SDK1: variants seen among roughly 807,000 people sequenced by gnomAD.
SDK1 encodes sidekick cell adhesion molecule 1, also known as protein sidekick-1.
SDK1 carries 157 observed loss-of-function variants against 245.5 expected under a neutral mutation model. The ratio of observed to expected loss-of-function variants is 0.64; its 90% confidence interval spans 0.56 to 0.73. The LOEUF is 0.73. Ranked by LOEUF, SDK1 falls within the 30% of genes least tolerant of loss-of-function variation. SDK1 has a pLI of 0.00. For synonymous variants in SDK1, 1,647 were observed against 1,278.5 expected, an observed-to-expected ratio of 1.29 and a Z score of -6.15; for missense variants, 3,583 against 3,002.3, an observed-to-expected ratio of 1.19 and a Z score of -4.52.
At chr7:3,564,634 G>GA (rs1273814789) in intron 1 of SDK1, among the ~76,000 whole-genome samples, 3 of 151,870 alleles carry the variant, frequency 2.0e-5, no homozygotes, top group Non-Finnish European at 4.4e-5. Flanking sequence ...TAAATTCTCA[G>GA]AAAAAAATAT....
chr7:3,680,354 A>G (rs1026641470), intron 4 of SDK1, among the ~76,000 whole-genome samples: 1 of 152,186 alleles, frequency 6.6e-6, no homozygotes. Flanking sequence ...GGTGGACAGC[A>G]CAGGGGATCT....
At position 3,821,948 on chromosome 7, in the gene SDK1, A is replaced by G. The variant is rs576095791; in HGVS notation, c.847+365A>G. On this transcript the variant is annotated intron_variant, in intron 5 of 44. Coordinates refer to ENST00000404826, the MANE Select transcript of SDK1 (RefSeq NM_152744.4). ...CAGGACTAGATTAGATATACATTAT[A>G]TTCTTTTAATCTAACAGGAAAATCT... Among the ~76,000 whole-genome samples, 4 of 152,334 alleles carry G rather than the reference A, an allele frequency of 2.6e-5. No individual in the cohort carries two copies. In the South Asian group the frequency reaches 8.3e-4, roughly 32 times the overall value.
chr7:3,314,448 A>G (rs1436515689), intron 1 of SDK1, among the ~76,000 whole-genome samples: 1 of 152,208 alleles, frequency 6.6e-6, no homozygotes, highest in Admixed American at 6.5e-5. Flanking sequence ...TGCAGGGTGA[A>G]GCACTGTTCA....
intron 1 of SDK1, among the ~76,000 whole-genome samples, chr7:3,450,612 G>A (rs962429379): frequency 6.6e-6 from 1 of 152,186 alleles, no homozygotes; most frequent in East Asian, 1.9e-4. Flanking sequence ...GGAAGCTAGT[G>A]AGTTCTGTTT....
rs140140562 is a variant in SDK1 at position 4,252,520 on chromosome 7, G to A, written c.6381+6715G>A. On this transcript the variant is annotated intron_variant, in intron 44 of 44. Transcript: ENST00000404826. ...GTAAATAGTGCCGCAATAAACATAC[G>A]TGTGTATAATCCTTTCTATATGTTG... 4.4e-3 allele frequency among the ~76,000 whole-genome samples: 664 copies of A among 152,208 alleles called. 5 individuals are homozygous for A. Among genetic ancestry groups the A allele is most frequent in the Non-Finnish European group, 6.5e-3 (443 of 68,006 alleles).
chr7:3,571,082 T>G (rs1562570676), intron 1 of SDK1, among the ~76,000 whole-genome samples: 1 of 152,070 alleles, frequency 6.6e-6, no homozygotes, highest in African/African-American at 2.4e-5. Flanking sequence ...AGATGTTCAT[T>G]TTTAAAATTT....
At chr7:3,868,335 G>GT (rs1407878542) in intron 5 of SDK1, among the ~76,000 whole-genome samples, 1 of 152,168 alleles carries the variant, frequency 6.6e-6, no homozygotes, top group African/African-American at 2.4e-5. Context: ...AAGCACTGTA[G>GT]TTATTAAATA....
intron 38 of SDK1, among the ~76,000 whole-genome samples, chr7:4,213,798 T>A (rs909927906): frequency 6.6e-6 from 1 of 152,168 alleles, no homozygotes; most frequent in East Asian, 1.9e-4. Context: ...GTGTTTTCAG[T>A]GTTGCCGTTT....
intron 1 of SDK1, among the ~76,000 whole-genome samples, chr7:3,422,482 C>A (rs1779559342): frequency 1.3e-5 from 2 of 152,088 alleles, no homozygotes; most frequent in South Asian, 4.2e-4. Context: ...TTTCTTAATA[C>A]TGGAAGTCCT....
intron 33 of SDK1, 62 bp from the exon 34 acceptor site, chr7:4,175,713 A>T: frequency 1.5e-6 from 2 of 1,374,040 alleles, no homozygotes; most frequent in South Asian, 2.3e-5. Context: ...CCTGCCGCAC[A>T]TCACCTGCGA....
chr7:3,822,764 A>C (rs1779676731), intron 5 of SDK1, among the ~76,000 whole-genome samples: 1 of 151,524 alleles, frequency 6.6e-6, no homozygotes, highest in Admixed American at 6.6e-5. Context: ...ATGAAATTCC[A>C]TCTCAAAAAG....
At chr7:4,193,378 AT>A (rs1783352222) in intron 35 of SDK1, among the ~76,000 whole-genome samples, 3 of 125,732 alleles carry the variant, frequency 2.4e-5, no homozygotes, top group East Asian at 2.1e-4. Context: ...ATATTTATAT[AT>A]ATATATATAT....
intron 14 of SDK1, among the ~76,000 whole-genome samples, chr7:4,005,031 T>TCCTGCA (rs1785356227): frequency 2.0e-5 from 3 of 148,286 alleles, no homozygotes; most frequent in Admixed American, 1.3e-4. Context: ...TTTAATTGGT[T>TCCTGCA]CCTGCACCTT....
chr7:3,317,180 CAAAAAAAAAA>C (rs57138474), intron 1 of SDK1, among the ~76,000 whole-genome samples: 1 of 32,712 alleles, frequency 3.1e-5, no homozygotes, highest in African/African-American at 1.1e-4. Flanking sequence ...GACTCTGTCT[CAAAAAAAAAA>C]AAAAAAAAAA....
In SDK1 at chr7:3,631,392, G is replaced by A. The variant is rs536863688; in HGVS notation, c.459-7612G>A. On this transcript the variant is annotated intron_variant, in intron 2 of 44. Transcript: ENST00000404826. ...ACTCCCATCTACATCTTCGTGAAAA[G>A]GGCTTAATTTCTCTAGTTGTCCATC... Among the ~76,000 whole-genome samples, 32 of 152,246 alleles carry A rather than the reference G, an allele frequency of 2.1e-4. No individual in the cohort carries two copies. In the East Asian group the frequency reaches 6.2e-3, roughly 29 times the overall value.
At chr7:3,978,136 T>C (rs1392720194) in intron 13 of SDK1, among the ~76,000 whole-genome samples, 2 of 152,094 alleles carry the variant, frequency 1.3e-5, no homozygotes, top group East Asian at 3.9e-4. Flanking sequence ...GCCAGTGAGT[T>C]CCTAGGAGCT....
intron 1 of SDK1, among the ~76,000 whole-genome samples, chr7:3,312,576 T>A (rs925723744): frequency 5.3e-5 from 8 of 151,822 alleles, no homozygotes; most frequent in Non-Finnish European, 1.0e-4. Context: ...AGTGTTTTTT[T>A]TTAAAAAAAA....
intron 7 of SDK1, among the ~76,000 whole-genome samples, chr7:3,955,194 GC>G: frequency 6.6e-6 from 1 of 152,200 alleles, no homozygotes. Flanking sequence ...TCTGCTGCCA[GC>G]CCCTTCAAGT....
chr7:3,427,926 C>G (rs1779722022), intron 1 of SDK1, among the ~76,000 whole-genome samples: 1 of 150,580 alleles, frequency 6.6e-6, no homozygotes, highest in African/African-American at 2.5e-5. Flanking sequence ...AGATGTCATT[C>G]CCATAGTCAG....
Sources: allele counts gnomAD v4.1 joint callset (sites outside exome capture counted in the v4.1 genomes callset), GRCh38; gene constraint gnomAD v4.1.1; transcripts MANE v1.5; gene names NCBI Gene and HGNC (gene_info 2026-07-23, HGNC 2026-07-21).